Variants in MGAT4A observed in about 807,000 individuals in gnomAD.
MGAT4A encodes the protein alpha-1,3-mannosyl-glycoprotein 4-beta-N-acetylglucosaminyltransferase A, also known as N-acetylglucosaminyltransferase IVa.
MGAT4A carries 33 observed loss-of-function variants against 74.1 expected under a neutral mutation model. The observed-to-expected ratio is 0.45, with a 90% CI of 0.34 to 0.60. The LOEUF is 0.60. Among genes scored for constraint, MGAT4A ranks in the 20% least tolerant of loss-of-function variants. The pLI is 0.02. For missense variants in MGAT4A, 479 were observed against 628.3 expected (o/e 0.76, Z 2.54); for synonymous variants, 198 against 210.4 (o/e 0.94, Z 0.51).
chr2:98,669,229 G>A (rs1003109855), intron 4 of MGAT4A, among the ~76,000 whole-genome samples: 2 of 152,132 alleles, frequency 1.3e-5, no homozygotes, highest in African/African-American at 4.8e-5. Context: ...TGTTGTGGGA[G>A]GGACCCGGTG....
At chr2:98,631,332 G>A (rs945681207) in intron 14 of MGAT4A, among the ~76,000 whole-genome samples, 2 of 152,220 alleles carry the variant, frequency 1.3e-5, no homozygotes, top group Admixed American at 6.5e-5. Context: ...TGCAAGGGGA[G>A]CAGGGAAGTG....
intron 2 of MGAT4A, among the ~76,000 whole-genome samples, chr2:98,683,018 GC>G (rs570439276): frequency 5.3e-5 from 8 of 152,110 alleles, no homozygotes; most frequent in African/African-American, 1.7e-4. Flanking sequence ...AACCCAGGAG[GC>G]GGAGGTTGCA....
intron 4 of MGAT4A, among the ~76,000 whole-genome samples, chr2:98,669,345 AGCTT>A (rs1276010357): frequency 1.3e-5 from 2 of 152,248 alleles, no homozygotes; most frequent in South Asian, 2.1e-4. Context: ...CCCTTGCACA[AGCTT>A]GCTCTCTCTT....
chr2:98,649,429 T>G (rs1394762846), intron 8 of MGAT4A, among the ~76,000 whole-genome samples: 1 of 152,138 alleles, frequency 6.6e-6, no homozygotes, highest in Non-Finnish European at 1.5e-5. Flanking sequence ...AATTCCCGAC[T>G]TCTCCCTAAG....
chr2:98,674,402 T>C (rs1701952012), intron 4 of MGAT4A, among the ~76,000 whole-genome samples: 1 of 152,236 alleles, frequency 6.6e-6, no homozygotes, highest in Non-Finnish European at 1.5e-5. Flanking sequence ...GGCTGCTTGC[T>C]CAAGCCCACT....
chr2:98,641,932 C>G (rs1701417490), intron 10 of MGAT4A, among the ~76,000 whole-genome samples: 1 of 150,306 alleles, frequency 6.7e-6, no homozygotes, highest in South Asian at 2.1e-4. Flanking sequence ...GGGGCAGAGG[C>G]TACAGTGGGC....
intron 2 of MGAT4A, among the ~76,000 whole-genome samples, chr2:98,708,261 C>T (rs187376753): frequency 2.6e-5 from 4 of 152,066 alleles, no homozygotes; most frequent in Non-Finnish European, 4.4e-5. Flanking sequence ...AGCCACCGCA[C>T]CCCGCCAGTG....
intron 8 of MGAT4A, among the ~76,000 whole-genome samples, chr2:98,649,707 T>A (rs184461456): frequency 1.2e-4 from 18 of 151,878 alleles, no homozygotes; most frequent in African/African-American, 4.3e-4. Context: ...ATTAGGAGAT[T>A]ACACCCACAA....
chr2:98,671,416 C>T (rs777020957), intron 4 of MGAT4A, among the ~76,000 whole-genome samples: 2 of 152,148 alleles, frequency 1.3e-5, no homozygotes, highest in Non-Finnish European at 2.9e-5. Context: ...GGCTTCCTAC[C>T]GCTCTTAGGA....
intron 14 of MGAT4A, among the ~76,000 whole-genome samples, chr2:98,627,398 T>C (rs11887056): frequency 0.18 from 26,766 of 151,980 alleles, 2,537 homozygotes; most frequent in Middle Eastern, 0.24. Context: ...TTCTTTGAGA[T>C]AGAGTCTCAC....
chr2:98,639,571 A>AG, intron 12 of MGAT4A, among the ~76,000 whole-genome samples: 1 of 152,170 alleles, frequency 6.6e-6, no homozygotes, highest in Non-Finnish European at 1.5e-5. Context: ...TATACTAGAT[A>AG]TACTAAGTCC....
chr2:98,656,541 TAACA>T, intron 6 of MGAT4A, 76 bp from the exon 7 acceptor site: 3 of 986,180 alleles, frequency 3.0e-6, no homozygotes, highest in Non-Finnish European at 4.6e-6. Context: ...ACACTGTGTT[TAACA>T]TAAAACACAT....
chr2:98,683,097 A>AT (rs1702085248), intron 2 of MGAT4A, among the ~76,000 whole-genome samples: 1 of 151,630 alleles, frequency 6.6e-6, no homozygotes, highest in South Asian at 2.1e-4. Flanking sequence ...AAAAAAAAAA[A>AT]CAAAAAAAAT....
intron 14 of MGAT4A, among the ~76,000 whole-genome samples, chr2:98,627,500 C>T (rs1384998626): frequency 2.0e-5 from 3 of 152,078 alleles, no homozygotes; most frequent in African/African-American, 4.8e-5. Context: ...CTCAGCCTCC[C>T]GAGCAGCTGG....
intron 10 of MGAT4A, among the ~76,000 whole-genome samples, chr2:98,641,715 G>A (rs950689400): frequency 6.6e-6 from 1 of 150,780 alleles, no homozygotes; most frequent in African/African-American, 2.4e-5. Flanking sequence ...AAAATTAGCA[G>A]CCGGCTTGGT....
At position 98,623,566 on chromosome 2, in the gene MGAT4A, G is replaced by A. The variant is rs867486152; in HGVS notation, c.*2000C>T. On this transcript the variant is annotated 3_prime_UTR_variant, in exon 16 of 16. Coordinates refer to ENST00000393487, the MANE Select transcript of MGAT4A (RefSeq NM_012214.3). Reference sequence around the variant, plus strand: ...ATTTGCTCATGGGCACTGGGCCAAGGAAATTTGAGAAGAAAAAAATTCAAG... The same window carrying A: ...ATTTGCTCATGGGCACTGGGCCAAGAAAATTTGAGAAGAAAAAAATTCAAG... 5.1e-6 allele frequency: 5 copies of A among 985,302 alleles called. No individual in the cohort carries two copies. Among genetic ancestry groups the A allele is most frequent in the Non-Finnish European group, 6.0e-6 (5 of 829,902 alleles). 61.0% of individuals were successfully genotyped at this position (985,302 alleles called of 1,614,324 possible).
intron 2 of MGAT4A, among the ~76,000 whole-genome samples, chr2:98,700,106 C>T (rs547443298): frequency 1.3e-5 from 2 of 151,900 alleles, no homozygotes; most frequent in African/African-American, 4.8e-5. Context: ...TGAGCAAGTG[C>T]GATATGATTT....
intron 2 of MGAT4A, among the ~76,000 whole-genome samples, chr2:98,690,571 T>C (rs1702182144): frequency 6.6e-6 from 1 of 152,100 alleles, no homozygotes. Context: ...GCCAGAGTCT[T>C]ATAATAAACA....
chr2:98,674,921 A>T, intron 4 of MGAT4A, 114 bp downstream of exon 4: 1 of 1,065,498 alleles, frequency 9.4e-7, no homozygotes, highest in South Asian at 1.5e-5. Context: ...ATGTGCACAG[A>T]TAAAGAAAGA....
Sources: gnomAD v4.1 joint callset for allele counts (sites outside exome capture counted in the v4.1 genomes callset) on GRCh38, gnomAD v4.1.1 for gene constraint, MANE v1.5 for transcripts, NCBI Gene and HGNC (gene_info 2026-07-23, HGNC 2026-07-21) for gene names.